The following ANLN variants were observed in gnomAD, a reference collection of about 807,000 sequenced individuals.
The protein encoded by ANLN is anillin.
A neutral mutation model predicts 135.1 loss-of-function variants in ANLN; 59 were observed. That is an observed-to-expected ratio of 0.44 (90% CI 0.35 to 0.54). ANLN has a LOEUF of 0.54. ANLN is among the 20% of genes least tolerant of loss of function. The pLI, the probability that ANLN is intolerant of heterozygous loss-of-function variation, is 0.00. For synonymous variants in ANLN, 406 were observed against 456.4 expected (o/e 0.89, Z 1.41); for missense variants, 1,182 against 1,340.0 (o/e 0.88, Z 1.84).
At position 36,421,917 on chromosome 7, in the gene ANLN, A is replaced by G. The variant is rs758034598; in HGVS notation, c.2224A>G (p.Asn742Asp). 3.1e-6 allele frequency: 5 copies of G among 1,613,798 alleles called. No homozygotes were observed. The highest frequency in any genetic ancestry group is 3.4e-6 in the Non-Finnish European group (4 of 1,179,824). Residue 742 changes from asparagine (N) to aspartate (D), a missense_variant, in exon 13 of 24, where the codon AAC becomes GAC. This residue lies in a region of ANLN where 1,022 missense variants were observed against 1,134.0 expected (regional missense o/e 0.90). Transcript: ENST00000265748. Reference protein sequence around the residue: ...TVIYQASQALNCCVDEEHGKG... With the variant: ...TVIYQASQALDCCVDEEHGKG... ...GATCTATCAAGCTAGCCAGGCTCTT[A>G]ACTGCTGTGTTGATGAAGAACATGG... is the stretch of plus-strand genomic sequence containing the variant.
Position 36,399,326 on chromosome 7 carries a change from C to T in ANLN, c.420C>T (p.Ser140=), listed in dbSNP as rs1454170131. The T allele has an allele frequency of 4.3e-6, 7 of 1,613,914 alleles. No homozygotes were observed. In the Admixed American group the frequency reaches 8.3e-5, roughly 19 times the overall value. ...CAAGATTGGAAGCAACTGCAGCCTC[C>T]TCAGTTAAAACACGTATGCAAAAAC... ...LNSRLEATAA[S]SVKTRMQKLA... Residue 140 remains serine (S), a synonymous_variant, in exon 3 of 24, where the codon TCC becomes TCT. Coordinates refer to ENST00000265748, the MANE Select transcript of ANLN (RefSeq NM_018685.5).
At chr7:36,396,216 G>A in intron 1 of ANLN, 50 bp from the exon 2 acceptor site, 1 of 1,484,650 alleles carries the variant, frequency 6.7e-7, no homozygotes, top group Non-Finnish European at 9.1e-7. Context: ...GCAATTTTAT[G>A]AACCTTTGAT....
In ANLN at chr7:36,396,436, G is replaced by A. The variant is rs764219743; in HGVS notation, c.172+17G>A. ...GTGGTGAAGGTAAAAGACTTTGTGG[G>A]GAAAAATAACATTTACTTTTTTTTT... is the stretch of plus-strand genomic sequence containing the variant. On this transcript the variant is annotated intron_variant, in intron 2 of 23. Coordinates refer to ENST00000265748, the MANE Select transcript of ANLN (RefSeq NM_018685.5). 4.6e-6 allele frequency: 7 copies of A among 1,522,054 alleles called. No homozygotes were observed. In the Middle Eastern group the frequency reaches 5.3e-4, roughly 116 times the overall value. 94.3% of individuals were successfully genotyped at this position (1,522,054 alleles called of 1,614,324 possible).
At chr7:36,413,719 G>C (rs2116619121) in intron 7 of ANLN, among the ~76,000 whole-genome samples, 1 of 152,314 alleles carries the variant, frequency 6.6e-6, no homozygotes, top group Middle Eastern at 3.4e-3. Flanking sequence ...GGCTCGGCGT[G>C]GTGGCTCCCG....
chr7:36,410,892 A>G (rs1332973597), intron 6 of ANLN, among the ~76,000 whole-genome samples, 167 bp from the exon 7 acceptor site: 2 of 150,998 alleles, frequency 1.3e-5, no homozygotes, highest in African/African-American at 5.0e-5. Flanking sequence ...CTCATCTCAA[A>G]TTAGAAATAT....
intron 9 of ANLN, among the ~76,000 whole-genome samples, chr7:36,418,865 T>C (rs1787756064): frequency 6.6e-6 from 1 of 152,034 alleles, no homozygotes; most frequent in Non-Finnish European, 1.5e-5. Flanking sequence ...GTGATTCTCC[T>C]GCCTCAGCCT....
In ANLN at chr7:36,443,908, T is replaced by C. The variant is rs757418088; in HGVS notation, c.3078+46T>C. On this transcript the variant is annotated intron_variant, in intron 22 of 23. Coordinates refer to ENST00000265748, the MANE Select transcript of ANLN (RefSeq NM_018685.5). ...TAGTGGTGAAAGCCCTGATTGACTT[T>C]CGTGTAGTGTTCATGCAAATGTTCC... 2.3e-5 allele frequency: 31 copies of C among 1,342,890 alleles called. No individual in the cohort carries two copies. The South Asian group carries it at 4.0e-4, about 17-fold the overall frequency. The allele number at this position is 1,342,890 out of a possible 1,614,324, so 83.2% of individuals were successfully genotyped here. A position where few individuals can be genotyped will look rare whatever the true frequency, so the allele number is the denominator to read the frequency against.
At chr7:36,391,287 T>C (rs1786449485) in intron 1 of ANLN, among the ~76,000 whole-genome samples, 1 of 152,214 alleles carries the variant, frequency 6.6e-6, no homozygotes. Flanking sequence ...GTGTATTTAT[T>C]TTATCTAAAC....
chr7:36,415,634 C>T lies in ANLN; in HGVS notation c.1396-124C>T, dbSNP rs116189146. ...CTGGGCCTATTCACATACACTATCT[C>T]TTTGGTTCTAAGGAAACTTATACAG... On this transcript the variant is annotated intron_variant, in intron 7 of 23. Coordinates refer to ENST00000265748, the MANE Select transcript of ANLN (RefSeq NM_018685.5). The T allele has an allele frequency of 1.8e-3, 1,948 of 1,110,016 alleles. 23 individuals are homozygous for T. In the African/African-American group the frequency reaches 0.028, roughly 16 times the overall value. 68.8% of individuals were successfully genotyped at this position (1,110,016 alleles called of 1,614,324 possible).
intron 20 of ANLN, among the ~76,000 whole-genome samples, chr7:36,437,895 C>T (rs1788612693): frequency 6.6e-6 from 1 of 152,082 alleles, no homozygotes; most frequent in Non-Finnish European, 1.5e-5. Context: ...CTCAGCCTCC[C>T]GAGTAGCTGG....
Position 36,396,380 on chromosome 7 carries a change from T to A in ANLN, c.133T>A (p.Ser45Thr), listed in dbSNP as rs748902962. The change falls in exon 2 of 24, where the codon TCA (serine) becomes ACA (threonine). Residue 45 changes from serine (S) to threonine (T), a missense_variant. Coordinates refer to ENST00000265748, the MANE Select transcript of ANLN (RefSeq NM_018685.5). The part of the protein sequence containing the change: ...THAKRARQPL[S>T]EASNQQPLSG... ...TGCTAAGCGAGCTAGACAGCCACTT[T>A]CAGAAGCAAGTAACCAGCAGCCCCT... 19 of 1,599,800 alleles carry A rather than the reference T, an allele frequency of 1.2e-5. No individual in the cohort carries two copies. Among genetic ancestry groups the A allele is most frequent in the Non-Finnish European group, 1.5e-5 (17 of 1,169,062 alleles).
chr7:36,402,504 G>A (rs10235765), intron 3 of ANLN, among the ~76,000 whole-genome samples: 9,301 of 152,040 alleles, frequency 0.061, 299 homozygotes, highest in African/African-American at 0.079. Flanking sequence ...ACACCAGCGC[G>A]ATTTTTCTAA....
intron 20 of ANLN, among the ~76,000 whole-genome samples, chr7:36,427,752 G>A (rs973737334): frequency 6.6e-6 from 1 of 152,132 alleles, no homozygotes; most frequent in African/African-American, 2.4e-5. Context: ...AAGTACTTAC[G>A]AATCTAAGAG....
intron 17 of ANLN, among the ~76,000 whole-genome samples, chr7:36,424,947 C>G (rs527787652): frequency 6.6e-6 from 1 of 152,272 alleles, no homozygotes; most frequent in East Asian, 1.9e-4. Flanking sequence ...GTTCCTGATA[C>G]ACTCGGGCTA....
intron 7 of ANLN, among the ~76,000 whole-genome samples, chr7:36,415,299 G>A (rs1787593407): frequency 6.6e-6 from 1 of 152,172 alleles, no homozygotes; most frequent in African/African-American, 2.4e-5. Flanking sequence ...ATGGAATCCT[G>A]ATGTGTAGGA....
chr7:36,401,433 G>A (rs573552560), intron 3 of ANLN, among the ~76,000 whole-genome samples: 2 of 152,308 alleles, frequency 1.3e-5, no homozygotes, highest in Non-Finnish European at 2.9e-5. Flanking sequence ...CCGCCTCCCA[G>A]GTTCAAGCAG....
intron 7 of ANLN, 135 bp downstream of exon 7, chr7:36,411,301 C>A: frequency 1.5e-6 from 1 of 652,842 alleles, no homozygotes; most frequent in Non-Finnish European, 2.5e-6. Flanking sequence ...GTTTATAAAT[C>A]CCTTAAATGT....
intron 20 of ANLN, among the ~76,000 whole-genome samples, chr7:36,432,283 T>G (rs911183889): frequency 7.9e-5 from 12 of 152,230 alleles, no homozygotes; most frequent in African/African-American, 2.7e-4. Context: ...TTTTCTTCAC[T>G]GATTTTCTTA....
chr7:36,425,833 C>A, intron 18 of ANLN, 93 bp downstream of exon 18: 1 of 1,357,004 alleles, frequency 7.4e-7, no homozygotes, highest in Non-Finnish European at 1.0e-6. Flanking sequence ...GAACCTTGAG[C>A]ACTGTGGAAA....
Sources: allele counts gnomAD v4.1 joint callset (sites outside exome capture counted in the v4.1 genomes callset), GRCh38; gene constraint gnomAD v4.1.1; regional missense constraint gnomAD v4.1.1; transcripts MANE v1.5; gene names NCBI Gene and HGNC (gene_info 2026-07-23, HGNC 2026-07-21).